The following JAKMIP2 variants were observed in gnomAD, a reference collection of about 807,000 sequenced individuals.
JAKMIP2 encodes the protein janus kinase and microtubule-interacting protein 2.
A neutral mutation model predicts 115.0 loss-of-function variants in JAKMIP2; 25 were observed. The observed-to-expected ratio is 0.22, with a 90% confidence interval of 0.16 to 0.30. The LOEUF (loss-of-function observed/expected upper bound fraction) is 0.30. Ranked by LOEUF, JAKMIP2 falls within the 10% of genes least tolerant of loss-of-function variation. JAKMIP2 has a pLI of 1.00. For missense variants in JAKMIP2, 642 were observed against 957.6 expected (o/e 0.67, Z 4.35); for synonymous variants, 334 against 343.6 (o/e 0.97, Z 0.31).
Position 147,639,566 on chromosome 5 carries a change from C to CAATAAAATAT in JAKMIP2, c.1530+65_1530+66insATATTTTATT. ...AGCTGTCTTATTGATATTTTTATGT[C>CAATAAAATAT]CACAGTGCTTTTATGCTGTGACTGC... is the stretch of plus-strand genomic sequence containing the variant. On this transcript the variant is annotated intron_variant, in intron 10 of 21. Transcript: ENST00000616793. 4 of 1,522,042 alleles carry CAATAAAATAT rather than the reference C, an allele frequency of 2.6e-6. No homozygotes were observed. The South Asian group carries it at 3.9e-5, about 15-fold the overall frequency. The allele number at this position is 1,522,042 out of a possible 1,614,324, so 94.3% of individuals were successfully genotyped here.
In JAKMIP2 at chr5:147,731,442, T is replaced by G. The variant is rs74376940; in HGVS notation, c.-149+51014A>C. On this transcript the variant is annotated intron_variant, in intron 1 of 21. Coordinates refer to ENST00000616793, the MANE Select transcript of JAKMIP2 (RefSeq NM_001270941.2). ...ACATAATACTCTTACTTCTGAAGCC[T>G]TGGGAATAAATGAGGACTGTTTGGA... 5.9e-3 allele frequency among the ~76,000 whole-genome samples: 902 copies of G among 152,334 alleles called. 2 individuals are homozygous for G. Among genetic ancestry groups the G allele is most frequent in the Middle Eastern group, 0.014 (4 of 294 alleles).
chr5:147,596,628 C>A (rs1358591388), intron 21 of JAKMIP2, among the ~76,000 whole-genome samples: 1 of 152,116 alleles, frequency 6.6e-6, no homozygotes, highest in East Asian at 1.9e-4. Context: ...GAAATTTATT[C>A]TGCACCTAGG....
chr5:147,734,613 C>T (rs1268281751), intron 1 of JAKMIP2, among the ~76,000 whole-genome samples: 1 of 151,424 alleles, frequency 6.6e-6, no homozygotes, highest in Non-Finnish European at 1.5e-5. Flanking sequence ...AACAAGCCTG[C>T]ACATTCTGCC....
intron 1 of JAKMIP2, among the ~76,000 whole-genome samples, chr5:147,696,102 T>TAGTAAACATATACTG (rs1406941262): frequency 6.6e-6 from 1 of 152,196 alleles, no homozygotes; most frequent in Admixed American, 6.5e-5. Flanking sequence ...GGACAAAATT[T>TAGTAAACATATACTG]AGTAAACATA....
At chr5:147,615,596 A>G (rs1756529289) in intron 19 of JAKMIP2, among the ~76,000 whole-genome samples, 1 of 152,158 alleles carries the variant, frequency 6.6e-6, no homozygotes, top group African/African-American at 2.4e-5. Flanking sequence ...AAATGAGAAG[A>G]ATCTGTGATG....
chr5:147,745,269 C>A lies in JAKMIP2; in HGVS notation c.-149+37187G>T, dbSNP rs147137490. Among the ~76,000 whole-genome samples, 147 of 152,214 alleles carry A rather than the reference C, an allele frequency of 9.7e-4. 5 individuals are homozygous for A. The East Asian group carries it at 0.027, about 28-fold the overall frequency. The stretch of plus-strand genomic sequence containing the variant: ...AAAATATTAACCAGTGCAAGAAAAT[C>A]TTATTTTAAGACTAAGCTGTCTTCA... On this transcript the variant is annotated intron_variant, in intron 1 of 21. Coordinates refer to ENST00000616793, the MANE Select transcript of JAKMIP2 (RefSeq NM_001270941.2).
chr5:147,646,699 A>G (rs1048214392), intron 5 of JAKMIP2, among the ~76,000 whole-genome samples: 4 of 151,688 alleles, frequency 2.6e-5, no homozygotes, highest in African/African-American at 9.7e-5. Flanking sequence ...ATACACATGT[A>G]TATGCACACT....
At chr5:147,721,746 G>C (rs1464633240) in intron 1 of JAKMIP2, among the ~76,000 whole-genome samples, 1 of 152,114 alleles carries the variant, frequency 6.6e-6, no homozygotes, top group Non-Finnish European at 1.5e-5. Flanking sequence ...TGCGCCTGCT[G>C]TCTGGCACTC....
chr5:147,771,546 T>C (rs533556286), intron 1 of JAKMIP2, among the ~76,000 whole-genome samples: 1 of 152,068 alleles, frequency 6.6e-6, no homozygotes, highest in Non-Finnish European at 1.5e-5. Flanking sequence ...ATATAAACAT[T>C]ATTATATTTG....
intron 1 of JAKMIP2, among the ~76,000 whole-genome samples, chr5:147,779,000 C>T (rs1435331910): frequency 6.6e-6 from 1 of 152,024 alleles, no homozygotes; most frequent in Non-Finnish European, 1.5e-5. Context: ...AAGTATAAAC[C>T]TAATTTATGT....
Position 147,601,745 on chromosome 5 carries a change from A to G in JAKMIP2, c.*16T>C. 1 of 1,524,752 alleles carries G rather than the reference A, an allele frequency of 6.6e-7. No homozygotes were observed. Among genetic ancestry groups the G allele is most frequent in the Non-Finnish European group, 8.8e-7 (1 of 1,134,714 alleles). 94.5% of individuals were successfully genotyped at this position (1,524,752 alleles called of 1,614,324 possible). A position where few individuals can be genotyped will look rare whatever the true frequency, so the allele number is the denominator to read the frequency against. ...GAGAATTAAATGGAATCTTACCTTT[A>G]AGAGGCACCTTGACATCAAGGCCAT... On this transcript the variant is annotated 3_prime_UTR_variant, in exon 21 of 22. Transcript: ENST00000616793.
At chr5:147,657,293 CA>C in intron 3 of JAKMIP2, among the ~76,000 whole-genome samples, 1 of 152,126 alleles carries the variant, frequency 6.6e-6, no homozygotes, top group South Asian at 2.1e-4. Context: ...CAAAACAAAA[CA>C]AAACAAACAA....
rs1756385444 is a variant in JAKMIP2, at chr5:147,612,535, T to C, written c.2347-164A>G. On this transcript the variant is annotated intron_variant, in intron 19 of 21. Coordinates refer to ENST00000616793, the MANE Select transcript of JAKMIP2 (RefSeq NM_001270941.2). ...TTTCCCCACCCAAAAACATGTTGCA[T>C]GTTTCAGAAATTATCTATGTTTGTG... Among the ~76,000 whole-genome samples, 3 of 152,230 alleles carry C rather than the reference T, an allele frequency of 2.0e-5. No individual in the cohort carries two copies. The South Asian group carries it at 6.2e-4, about 31-fold the overall frequency.
intron 2 of JAKMIP2, among the ~76,000 whole-genome samples, chr5:147,668,417 C>T (rs1196524868): frequency 6.6e-6 from 1 of 152,188 alleles, no homozygotes; most frequent in African/African-American, 2.4e-5. Flanking sequence ...GCTCAGGGTG[C>T]TGCTCCAAGA....
intron 1 of JAKMIP2, among the ~76,000 whole-genome samples, chr5:147,747,585 TCTC>T (rs1754393316): frequency 6.6e-6 from 1 of 152,112 alleles, no homozygotes; most frequent in Non-Finnish European, 1.5e-5. Context: ...CTACTAGTCT[TCTC>T]CTTCCCAGGC....
chr5:147,599,742 T>C (rs1755598436), intron 21 of JAKMIP2, among the ~76,000 whole-genome samples: 1 of 152,160 alleles, frequency 6.6e-6, no homozygotes, highest in African/African-American at 2.4e-5. Flanking sequence ...CCTTTTTTAC[T>C]TGTGAGGCAG....
chr5:147,698,576 A>T (rs991640763), intron 1 of JAKMIP2, among the ~76,000 whole-genome samples: 1 of 152,182 alleles, frequency 6.6e-6, no homozygotes, highest in East Asian at 1.9e-4. Flanking sequence ...GATGATGAAG[A>T]TGGTTTTCCT....
At chr5:147,743,559 C>T (rs1754229778) in intron 1 of JAKMIP2, among the ~76,000 whole-genome samples, 1 of 152,164 alleles carries the variant, frequency 6.6e-6, no homozygotes. Context: ...TCCTTATTGT[C>T]TCTCCATTAT....
At chr5:147,653,472 C>A (rs2895692) in intron 3 of JAKMIP2, among the ~76,000 whole-genome samples, 36,096 of 148,518 alleles carry the variant, frequency 0.24, 5,220 homozygotes, top group East Asian at 0.46. Context: ...AGATGATGAG[C>A]TTTTTTTTTT....
Sources: allele counts gnomAD v4.1 joint callset (sites outside exome capture counted in the v4.1 genomes callset), GRCh38; gene constraint gnomAD v4.1.1; transcripts MANE v1.5; gene names NCBI Gene and HGNC (gene_info 2026-07-23, HGNC 2026-07-21).